PLCXD2: variants seen among roughly 807,000 people sequenced by gnomAD.
PLCXD2 encodes the protein phosphatidylinositol specific phospholipase C X domain containing 2.
In PLCXD2, 21 loss-of-function variants were observed where a neutral mutation model predicts 28.6. The ratio of observed to expected loss-of-function variants is 0.73; its 90% CI spans 0.52 to 1.06. The LOEUF is 1.06. Ranked by LOEUF, PLCXD2 falls within the 50% of genes least tolerant of loss-of-function variation. PLCXD2 has a pLI of 0.00. For missense variants in PLCXD2, 369 were observed against 376.7 expected (o/e 0.98, Z 0.17); for synonymous variants, 140 against 150.1 (o/e 0.93, Z 0.49).
At chr3:111,706,812 C>CAAAAA (rs34217304) in intron 1 of PLCXD2, among the ~76,000 whole-genome samples, 1 of 115,050 alleles carries the variant, frequency 8.7e-6, no homozygotes. Context: ...GACTTTAAGG[C>CAAAAA]AAAAAAAAAA....
chr3:111,720,311 C>T (rs2399394), intron 3 of PLCXD2, among the ~76,000 whole-genome samples: 101,047 of 151,958 alleles, frequency 0.66, 33,713 homozygotes, highest in Middle Eastern at 0.73. Flanking sequence ...GGTGATTACC[C>T]CTCCTCACAG....
intron 1 of PLCXD2, among the ~76,000 whole-genome samples, chr3:111,700,351 A>G (rs540850234): frequency 1.3e-5 from 2 of 152,350 alleles, no homozygotes; most frequent in African/African-American, 4.8e-5. Flanking sequence ...TGAAAATGAA[A>G]GGATTAGAGA....
intron 1 of PLCXD2, among the ~76,000 whole-genome samples, chr3:111,688,001 T>C (rs1218268095): frequency 6.6e-6 from 1 of 152,140 alleles, no homozygotes; most frequent in Non-Finnish European, 1.5e-5. Context: ...CCTCTCTCTC[T>C]CTTTGTTATT....
chr3:111,695,290 G>T (rs532789589), intron 1 of PLCXD2, among the ~76,000 whole-genome samples: 1 of 152,100 alleles, frequency 6.6e-6, no homozygotes, highest in South Asian at 2.1e-4. Context: ...TCTGCAAGTG[G>T]TATGTTCCAA....
intron 1 of PLCXD2, among the ~76,000 whole-genome samples, chr3:111,684,199 A>C (rs1940758830): frequency 6.6e-6 from 1 of 151,070 alleles, no homozygotes; most frequent in South Asian, 2.1e-4. Flanking sequence ...GCATGGTGGC[A>C]TGCACCTGTA....
intron 1 of PLCXD2, among the ~76,000 whole-genome samples, chr3:111,685,663 A>G (rs1940783742): frequency 6.6e-6 from 1 of 152,206 alleles, no homozygotes; most frequent in African/African-American, 2.4e-5. Flanking sequence ...AAATATGGTT[A>G]TCTCAGAGCT....
intron 1 of PLCXD2, among the ~76,000 whole-genome samples, chr3:111,696,557 A>G (rs1405752208): frequency 6.6e-6 from 1 of 152,132 alleles, no homozygotes; most frequent in Non-Finnish European, 1.5e-5. Flanking sequence ...TTTTTTTGCA[A>G]GCTGCCTGCA....
In PLCXD2 at chr3:111,706,840, G is replaced by T. The variant is rs1255775637; in HGVS notation, c.164-1086G>T. Among the ~76,000 whole-genome samples the T allele has an allele frequency of 2.8e-5, 4 of 143,828 alleles. No homozygotes were observed. The East Asian group carries it at 8.2e-4, about 30-fold the overall frequency. 94.4% of individuals were successfully genotyped at this position (143,828 alleles called of 152,430 possible). On this transcript the variant is annotated intron_variant, in intron 1 of 4. Coordinates refer to ENST00000477665, the MANE Select transcript of PLCXD2 (RefSeq NM_001185106.1). Reference sequence around the variant, plus strand: ...AAAAAAAAAAAAACACAAAGAGAAAGAAGGTCATTATATAAAGATAAAGTG... The same window carrying T: ...AAAAAAAAAAAAACACAAAGAGAAATAAGGTCATTATATAAAGATAAAGTG...
At chr3:111,697,841 C>T (rs555684097) in intron 1 of PLCXD2, among the ~76,000 whole-genome samples, 437 of 5,472 alleles carry the variant, frequency 0.08, 3 homozygotes, top group African/African-American at 0.11. Context: ...TGTGTAGTCA[C>T]TGTATTTATT....
In PLCXD2 at chr3:111,674,732, G is replaced by A. The variant is rs1476878209; in HGVS notation, c.-514G>A. ...CTGTGTGTCTTTCAGGAAGCCACAG[G>A]GCAGGGGGCGTCTGTGCAGAGAAGC... On this transcript the variant is annotated 5_prime_UTR_variant, in exon 1 of 5. Transcript: ENST00000477665. 1 of 153,358 alleles carries A rather than the reference G, an allele frequency of 6.5e-6. No individual in the cohort carries two copies. The highest frequency in any genetic ancestry group is 1.5e-5 in the Non-Finnish European group (1 of 68,892). The allele number at this position is 153,358 out of a possible 1,614,324, so 9.5% of individuals were successfully genotyped here. A position where few individuals can be genotyped will look rare whatever the true frequency, so the allele number is the denominator to read the frequency against.
chr3:111,711,066 C>A (rs1941193397), intron 2 of PLCXD2, among the ~76,000 whole-genome samples: 1 of 152,116 alleles, frequency 6.6e-6, no homozygotes, highest in Admixed American at 6.5e-5. Context: ...TCCTAAGATC[C>A]CCCTGTGCTC....
intron 3 of PLCXD2, among the ~76,000 whole-genome samples, chr3:111,720,163 TAAAG>T (rs1411373727): frequency 6.6e-6 from 1 of 152,174 alleles, no homozygotes; most frequent in Non-Finnish European, 1.5e-5. Flanking sequence ...TTAAAAAAAT[TAAAG>T]AACCCATTAA....
intron 1 of PLCXD2, among the ~76,000 whole-genome samples, chr3:111,683,320 A>G (rs1213917037): frequency 6.6e-6 from 1 of 152,150 alleles, no homozygotes; most frequent in Non-Finnish European, 1.5e-5. Context: ...TAGAGCATGG[A>G]TTTTATTTAA....
chr3:111,680,354 G>A (rs2107838121), intron 1 of PLCXD2, among the ~76,000 whole-genome samples: 1 of 152,152 alleles, frequency 6.6e-6, no homozygotes, highest in South Asian at 2.1e-4. Flanking sequence ...TTTGAGGATA[G>A]TATGAACCGT....
At chr3:111,694,245 C>G (rs1164256091) in intron 1 of PLCXD2, among the ~76,000 whole-genome samples, 1 of 152,134 alleles carries the variant, frequency 6.6e-6, no homozygotes, top group African/African-American at 2.4e-5. Context: ...TTCCAAGAGT[C>G]TATCTCTAAA....
chr3:111,724,560 G>T (rs1425930368), intron 3 of PLCXD2: 1 of 152,188 alleles, frequency 6.6e-6, no homozygotes, highest in Non-Finnish European at 1.5e-5. Flanking sequence ...ATGAGAAAGT[G>T]CTTCCCAATG....
chr3:111,713,837 A>G, intron 2 of PLCXD2, 50 bp from the exon 3 acceptor site: 1 of 1,585,062 alleles, frequency 6.3e-7, no homozygotes, highest in Non-Finnish European at 8.6e-7. Flanking sequence ...AGGAGTTAAC[A>G]TTCAGCATTT....
chr3:111,711,761 A>G (rs955173068), intron 2 of PLCXD2, among the ~76,000 whole-genome samples: 2 of 152,234 alleles, frequency 1.3e-5, no homozygotes, highest in African/African-American at 4.8e-5. Flanking sequence ...ACTAGGGAAT[A>G]CGAAACAACT....
At chr3:111,725,932 A>C (rs970597533) in intron 3 of PLCXD2, 1 of 398,348 alleles carries the variant, frequency 2.5e-6, no homozygotes. Context: ...GATGCTGGCA[A>C]AGCTTACAGT....
Sources: allele counts gnomAD v4.1 joint callset (sites outside exome capture counted in the v4.1 genomes callset), GRCh38; gene constraint gnomAD v4.1.1; transcripts MANE v1.5; gene names NCBI Gene and HGNC (gene_info 2026-07-23, HGNC 2026-07-21).